IQCK: variants seen among roughly 807,000 people sequenced by gnomAD.
IQCK encodes the protein IQ motif containing K, also known as IQ domain-containing protein K.
In IQCK, 29 loss-of-function variants were observed where a neutral mutation model predicts 28.1. The observed-to-expected ratio is 1.03, with a 90% CI of 0.77 to 1.41. The LOEUF (loss-of-function observed/expected upper bound fraction) is 1.41, where lower values mean the gene tolerates loss of function less well. Among genes scored for constraint, IQCK ranks in the 40% most tolerant of loss-of-function variants. The pLI, the probability that IQCK is intolerant of heterozygous loss-of-function variation, is 0.00. For missense variants in IQCK, 359 were observed against 314.7 expected, an observed-to-expected ratio of 1.14 and a Z score of -1.07; for synonymous variants, 113 against 115.1, an observed-to-expected ratio of 0.98 and a Z score of 0.12.
intron 7 of IQCK, among the ~76,000 whole-genome samples, chr16:19,792,861 G>A (rs2055636846): frequency 8.7e-6 from 1 of 115,410 alleles, no homozygotes; most frequent in Non-Finnish European, 1.5e-5. Context: ...TTACAGGCGT[G>A]AGCCACTGCA....
intron 7 of IQCK, among the ~76,000 whole-genome samples, chr16:19,815,687 C>G (rs2055979318): frequency 1.3e-5 from 2 of 152,012 alleles, no homozygotes; most frequent in Admixed American, 6.6e-5. Context: ...CAAAAACAAA[C>G]ATTAGAGGCT....
intron 4 of IQCK, among the ~76,000 whole-genome samples, chr16:19,753,433 A>AAAAT (rs763131969): frequency 3.5e-4 from 54 of 152,148 alleles, no homozygotes; most frequent in Non-Finnish European, 6.2e-4. Flanking sequence ...CTCTAAAAAT[A>AAAAT]AAATAAATAA....
intron 9 of IQCK, among the ~76,000 whole-genome samples, chr16:19,840,176 T>C (rs1167784753): frequency 1.3e-5 from 2 of 152,064 alleles, no homozygotes; most frequent in Admixed American, 1.3e-4. Flanking sequence ...GGCAACATGG[T>C]GAAACCCTGT....
At chr16:19,771,823 G>A (rs558916964) in intron 6 of IQCK, among the ~76,000 whole-genome samples, 12 of 152,284 alleles carry the variant, frequency 7.9e-5, no homozygotes, top group South Asian at 2.1e-4. Flanking sequence ...TGTCACTCAC[G>A]TTCACATTCA....
At position 19,719,223 on chromosome 16, in the gene IQCK, GA is replaced by G. The variant is rs1031476349; in HGVS notation, c.181+745del. Among the ~76,000 whole-genome samples, 8 of 150,528 alleles carry G rather than the reference GA, an allele frequency of 5.3e-5. No individual in the cohort carries two copies. In the East Asian group the frequency reaches 7.8e-4, roughly 15 times the overall value. ...TTAGGAGGGCAAAAGGATTATTGGGGAAAAAAAAACACAAACTGCTCGATTT... is the reference window on the plus strand; with the variant it reads ...TTAGGAGGGCAAAAGGATTATTGGGGAAAAAAAACACAAACTGCTCGATTT... On this transcript the variant is annotated intron_variant, in intron 1 of 7. Transcript: ENST00000564186.
chr16:19,834,277 C>T (rs1423661348), intron 9 of IQCK, among the ~76,000 whole-genome samples: 1 of 152,164 alleles, frequency 6.6e-6, no homozygotes, highest in Non-Finnish European at 1.5e-5. Context: ...CACATGGTAT[C>T]TCAGAGAGGT....
rs117715026 is a variant in IQCK, at chr16:19,751,654, A to G, written c.475-12194A>G. Among the ~76,000 whole-genome samples, 24 of 152,126 alleles carry G rather than the reference A, an allele frequency of 1.6e-4. 1 individual carries two copies. The East Asian group carries it at 4.7e-3, about 30-fold the overall frequency. On this transcript the variant is annotated intron_variant, in intron 4 of 7. Transcript: ENST00000564186. The stretch of plus-strand genomic sequence containing the variant: ...ATGGATCAGGACAGGTGTGTCATCA[A>G]GCCTCTGCCAGTAGCTTCCTTTAAC...
chr16:19,802,943 G>A (rs16969183), intron 7 of IQCK, among the ~76,000 whole-genome samples: 7,425 of 152,174 alleles, frequency 0.049, 598 homozygotes, highest in African/African-American at 0.17. Context: ...CGACTTTTAC[G>A]TAAGACTCGT....
At chr16:19,764,518 C>T (rs2055199233) in intron 6 of IQCK, among the ~76,000 whole-genome samples, 1 of 151,994 alleles carries the variant, frequency 6.6e-6, no homozygotes, top group African/African-American at 2.4e-5. Flanking sequence ...TAATAAAGAA[C>T]ATGACAGATA....
At chr16:19,857,368 T>C in exon 10 of IQCK, 1 of 417,004 alleles carries the variant, frequency 2.4e-6, no homozygotes. Flanking sequence ...GCCCATGGTT[T>C]ACAGCCTTTT....
At chr16:19,775,490 T>C (rs2055379025) in intron 6 of IQCK, among the ~76,000 whole-genome samples, 1 of 152,178 alleles carries the variant, frequency 6.6e-6, no homozygotes, top group Non-Finnish European at 1.5e-5. Context: ...TTTATAAATA[T>C]TACCTAATTT....
At chr16:19,766,032 A>G (rs1317552055) in intron 6 of IQCK, 1 of 152,250 alleles carries the variant, frequency 6.6e-6, no homozygotes, top group African/African-American at 2.4e-5. Context: ...AAGGAGCAGT[A>G]GCGGTCATTT....
downstream of IQCK, among the ~76,000 whole-genome samples, chr16:19,830,859 A>C (rs1249323298): frequency 6.6e-6 from 1 of 152,232 alleles, no homozygotes; most frequent in Non-Finnish European, 1.5e-5. Flanking sequence ...GATCTTTAGA[A>C]CAAGTCCTGG....
At chr16:19,845,018 G>A (rs1441319629) in intron 9 of IQCK, among the ~76,000 whole-genome samples, 1 of 152,060 alleles carries the variant, frequency 6.6e-6, no homozygotes. Context: ...TGCCCAGGCT[G>A]GTCTCGAACT....
intron 6 of IQCK, among the ~76,000 whole-genome samples, chr16:19,777,446 C>T (rs1004194419): frequency 6.6e-6 from 1 of 152,040 alleles, no homozygotes; most frequent in African/African-American, 2.4e-5. Context: ...TGTTGTCATG[C>T]CCTCTTGATA....
chr16:19,856,455 T>C (rs767930091), intron 9 of IQCK, 32 bp from the exon 9 acceptor site: 3 of 1,595,884 alleles, frequency 1.9e-6, no homozygotes, highest in Non-Finnish European at 2.6e-6. Flanking sequence ...GTATGTAAAT[T>C]GATCCTGACT....
At chr16:19,847,249 G>C (rs915010754) in intron 9 of IQCK, among the ~76,000 whole-genome samples, 15 of 152,202 alleles carry the variant, frequency 9.9e-5, no homozygotes, top group Non-Finnish European at 5.9e-5. Flanking sequence ...CCTCTTGGGT[G>C]TGTAAGACTC....
Position 19,736,390 on chromosome 16 carries a change from G to A in IQCK, c.474+940G>A, listed in dbSNP as rs545741050. Among the ~76,000 whole-genome samples, 3 of 152,174 alleles carry A rather than the reference G, an allele frequency of 2.0e-5. No homozygotes were observed. In the East Asian group the frequency reaches 5.8e-4, roughly 30 times the overall value. ...TGATCCTCCCACCTCAGCTTCCTGAGCAGCTGGGACTACGGGTATGCACCA... is the reference window on the plus strand; with the variant it reads ...TGATCCTCCCACCTCAGCTTCCTGAACAGCTGGGACTACGGGTATGCACCA... On this transcript the variant is annotated intron_variant, in intron 4 of 7. Coordinates refer to ENST00000564186, the Ensembl canonical transcript of IQCK.
chr16:19,841,592 T>C (rs751063553), intron 9 of IQCK, among the ~76,000 whole-genome samples: 4 of 152,128 alleles, frequency 2.6e-5, no homozygotes, highest in Non-Finnish European at 5.9e-5. Context: ...AAAACCCAAC[T>C]GAGAGACAAG....
Sources: gnomAD v4.1 joint callset for allele counts (sites outside exome capture counted in the v4.1 genomes callset) on GRCh38, gnomAD v4.1.1 for gene constraint, MANE v1.5 for transcripts, NCBI Gene and HGNC (gene_info 2026-07-23, HGNC 2026-07-21) for gene names.